COL4A3: variants seen among roughly 807,000 people sequenced by gnomAD.
COL4A3 encodes the protein collagen type IV alpha 3 chain.
A neutral mutation model predicts 217.4 loss-of-function variants in COL4A3; 135 were observed. That is an observed-to-expected ratio of 0.62 (90% CI 0.54 to 0.72). The LOEUF is 0.72. Ranked by LOEUF, COL4A3 falls within the 30% of genes least tolerant of loss-of-function variation. COL4A3 has a pLI of 0.00. For missense variants in COL4A3, 1,868 were observed against 2,119.9 expected (o/e 0.88, Z 2.33); for synonymous variants, 690 against 736.3 (o/e 0.94, Z 1.02).
At chr2:227,298,948 C>T (rs367794268) in intron 43 of COL4A3, 136 bp downstream of exon 43, 12 of 840,422 alleles carry the variant, frequency 1.4e-5, no homozygotes, top group South Asian at 7.8e-5. Context: ...AAGACATACC[C>T]GAGACTGGGT....
intron 1 of COL4A3, among the ~76,000 whole-genome samples, chr2:227,193,240 A>G (rs1012546393): frequency 6.6e-6 from 1 of 152,214 alleles, no homozygotes; most frequent in Non-Finnish European, 1.5e-5. Context: ...AATTAGATAA[A>G]CTTATGGAAC....
Position 227,294,945 on chromosome 2 carries a change from T to G in COL4A3, c.3419-19T>G, listed in dbSNP as rs202211797. On this transcript the variant is annotated intron_variant, in intron 39 of 51. Transcript: ENST00000396578. ...TATACCATAGTTTGGGGTTTTTGGG[T>G]TTTTTTTTTTTTTTTCAGGTCTTCC... 0.016 allele frequency: 168 copies of G among 10,698 alleles called. No individual in the cohort carries two copies. The highest frequency in any genetic ancestry group is 0.011 in the Non-Finnish European group (39 of 3,702). The allele number at this position is 10,698 out of a possible 1,614,324, so 0.7% of individuals were successfully genotyped here. A position where few individuals can be genotyped will look rare whatever the true frequency, so the allele number is the denominator to read the frequency against.
intron 1 of COL4A3, among the ~76,000 whole-genome samples, chr2:227,178,430 G>C (rs937104214): frequency 1.3e-5 from 2 of 152,162 alleles, no homozygotes; most frequent in African/African-American, 4.8e-5. Context: ...ACTATATATA[G>C]AGTTCCATAC....
intron 7 of COL4A3, 26 bp downstream of exon 7, chr2:227,246,764 A>G: frequency 6.3e-7 from 1 of 1,582,584 alleles, no homozygotes; most frequent in South Asian, 1.1e-5. Flanking sequence ...TAATTCCCCA[A>G]CAAAGACATA....
chr2:227,237,630 T>G (rs529753671), intron 1 of COL4A3: 47 of 283,786 alleles, frequency 1.7e-4, no homozygotes. Context: ...AAAGGATAGC[T>G]TTGTCGTTTC....
At chr2:227,307,629 A>C in intron 47 of COL4A3, 81 bp from the exon 48 acceptor site, 32 of 783,020 alleles carry the variant, frequency 4.1e-5, no homozygotes, top group Non-Finnish European at 4.5e-5. Flanking sequence ...ACATATATAA[A>C]ATATATTTAA....
rs111348496 is a variant in COL4A3 at position 227,174,576 on chromosome 2, G to A, written c.87+9763G>A. 8.8e-3 allele frequency among the ~76,000 whole-genome samples: 1,342 copies of A among 151,928 alleles called. 13 individuals carry two copies. The highest frequency in any genetic ancestry group is 0.03 in the African/African-American group (1,254 of 41,420). On this transcript the variant is annotated intron_variant, in intron 1 of 51. Coordinates refer to ENST00000396578, the MANE Select transcript of COL4A3 (RefSeq NM_000091.5). ...GGTTGGAGTGCAGTGGCGCAATCTCGGCTCACTGCAAGCTCCACCTCCCAG... is the reference window on the plus strand; with the variant it reads ...GGTTGGAGTGCAGTGGCGCAATCTCAGCTCACTGCAAGCTCCACCTCCCAG...
intron 1 of COL4A3, among the ~76,000 whole-genome samples, chr2:227,172,766 T>C (rs542481508): frequency 6.6e-6 from 1 of 151,918 alleles, no homozygotes; most frequent in Non-Finnish European, 1.5e-5. Context: ...TTTGTATTTT[T>C]AGTAGAGATG....
At chr2:227,204,596 A>C (rs965629309) in intron 1 of COL4A3, among the ~76,000 whole-genome samples, 1 of 152,156 alleles carries the variant, frequency 6.6e-6, no homozygotes, top group Non-Finnish European at 1.5e-5. Flanking sequence ...CCTTGTTGGC[A>C]TTTTCCTTCT....
At chr2:227,264,731 G>A (rs1306420135) in intron 21 of COL4A3, 1 of 152,248 alleles carries the variant, frequency 6.6e-6, no homozygotes, top group Non-Finnish European at 1.5e-5. Flanking sequence ...TCTCTTTTAA[G>A]ATGGAGGTTT....
At chr2:227,174,928 T>C (rs753613335) in intron 1 of COL4A3, among the ~76,000 whole-genome samples, 36 of 152,288 alleles carry the variant, frequency 2.4e-4, no homozygotes, top group Non-Finnish European at 4.1e-4. Flanking sequence ...CCAGCCATGA[T>C]GGAGTTAGAA....
intron 15 of COL4A3, among the ~76,000 whole-genome samples, chr2:227,255,057 A>G (rs573273502): frequency 6.6e-6 from 1 of 152,318 alleles, no homozygotes; most frequent in East Asian, 1.9e-4. Context: ...CTTCAGGCTA[A>G]TGGCATTAGA....
chr2:227,164,637 G>T lies in COL4A3; in HGVS notation c.-90G>T. Reference sequence around the variant, plus strand: ...GAGTGGCGAGGCGAGCTTTCCAGCCGGGCTCCCAGAGCCGCGCTGCGCAGG... The same window carrying T: ...GAGTGGCGAGGCGAGCTTTCCAGCCTGGCTCCCAGAGCCGCGCTGCGCAGG... On this transcript the variant is annotated 5_prime_UTR_variant, in exon 1 of 52. Transcript: ENST00000396578. The surrounding 1 kb of genome is among the most constrained non-coding windows in gnomAD (Gnocchi z 4.8). The T allele has an allele frequency of 2.0e-6, 3 of 1,514,826 alleles. No homozygotes were observed. The highest frequency in any genetic ancestry group is 2.6e-6 in the Non-Finnish European group (3 of 1,132,416). 93.8% of individuals were successfully genotyped at this position (1,514,826 alleles called of 1,614,324 possible). A position where few individuals can be genotyped will look rare whatever the true frequency, so the allele number is the denominator to read the frequency against.
rs1472032638 is a variant in COL4A3, at chr2:227,250,537, C to G, written c.547-603C>G. On this transcript the variant is annotated intron_variant, in intron 9 of 51. Coordinates refer to ENST00000396578, the MANE Select transcript of COL4A3 (RefSeq NM_000091.5). The surrounding 1 kb of genome is among the most constrained non-coding windows in gnomAD (Gnocchi z 4.1). ...TCTCTTAAAATATATATATATATTG[C>G]CTTCATAGAGCTTACATTCTCATGG... Among the ~76,000 whole-genome samples the G allele has an allele frequency of 6.6e-6, 1 of 151,820 alleles. No individual in the cohort carries two copies. The highest frequency in any genetic ancestry group is 1.5e-5 in the Non-Finnish European group (1 of 67,986).
rs891310046 is a variant in COL4A3, at chr2:227,191,454, T to C, written c.87+26641T>C. Among the ~76,000 whole-genome samples, 1 of 152,196 alleles carries C rather than the reference T, an allele frequency of 6.6e-6. No homozygotes were observed. The highest frequency in any genetic ancestry group is 2.4e-5 in the African/African-American group (1 of 41,448). On this transcript the variant is annotated intron_variant, in intron 1 of 51. Coordinates refer to ENST00000396578, the MANE Select transcript of COL4A3 (RefSeq NM_000091.5). This position sits in a 1 kb window ranked among gnomAD's most constrained non-coding sequence, Gnocchi z 6.8. ...TGAAAAGCAGTTCACAAAATCACTC[T>C]TTACCAGCCACATACAAATGTTGAA...
intron 1 of COL4A3, among the ~76,000 whole-genome samples, chr2:227,175,113 G>A (rs1314419543): frequency 1.3e-5 from 2 of 152,200 alleles, no homozygotes; most frequent in Middle Eastern, 3.4e-3. Flanking sequence ...TGTGGTCCAG[G>A]ACAGGGCCTC....
At chr2:227,186,426 G>A (rs1320883854) in intron 1 of COL4A3, among the ~76,000 whole-genome samples, 2 of 152,202 alleles carry the variant, frequency 1.3e-5, no homozygotes, top group Non-Finnish European at 2.9e-5. Context: ...AGTGTTGACA[G>A]TGGCATCATC....
At chr2:227,195,667 A>ATGTGTGTGTG (rs34242264) in intron 1 of COL4A3, among the ~76,000 whole-genome samples, 115 of 139,976 alleles carry the variant, frequency 8.2e-4, no homozygotes, top group African/African-American at 2.6e-3. Context: ...ATATATATAT[A>ATGTGTGTGTG]TGTGTGTGTG....
intron 19 of COL4A3, among the ~76,000 whole-genome samples, chr2:227,260,307 A>G (rs1164204441): frequency 6.6e-6 from 1 of 152,184 alleles, no homozygotes; most frequent in South Asian, 2.1e-4. Context: ...TGTCACATGT[A>G]CTTATGCTGT....
Sources: allele counts gnomAD v4.1 joint callset (sites outside exome capture counted in the v4.1 genomes callset), GRCh38; gene constraint gnomAD v4.1.1; non-coding constraint Gnocchi (gnomAD v3.1); transcripts MANE v1.5; gene names NCBI Gene and HGNC (gene_info 2026-07-23, HGNC 2026-07-21).